MINK1: variants seen among roughly 807,000 people sequenced by gnomAD.
The protein encoded by MINK1 is misshapen like kinase 1.
MINK1 carries 46 observed loss-of-function variants against 178.4 expected under a neutral mutation model. The ratio of observed to expected loss-of-function variants is 0.26; its 90% CI spans 0.20 to 0.33. The LOEUF (loss-of-function observed/expected upper bound fraction) is 0.33, where lower values mean the gene tolerates loss of function less well. MINK1 is among the 10% of genes least tolerant of loss of function. The pLI is 1.00. For synonymous variants in MINK1, 797 were observed against 709.7 expected, an observed-to-expected ratio of 1.12 and a Z score of -1.96; for missense variants, 1,366 against 1,814.9, an observed-to-expected ratio of 0.75 and a Z score of 4.49.
intron 1 of MINK1, among the ~76,000 whole-genome samples, chr17:4,874,506 A>G (rs1270097554): frequency 6.6e-6 from 1 of 152,208 alleles, no homozygotes; most frequent in Non-Finnish European, 1.5e-5. Context: ...CAGAAGGAAG[A>G]CATGGGGGAG....
chr17:4,839,260 C>T (rs959466705), intron 1 of MINK1, among the ~76,000 whole-genome samples: 3 of 152,144 alleles, frequency 2.0e-5, no homozygotes, highest in African/African-American at 7.2e-5. Flanking sequence ...TTTTTCTTAA[C>T]TGTTACTGTT....
At position 4,887,512 on chromosome 17, in the gene MINK1, C is replaced by G; in HGVS notation, c.1020-68C>G. The G allele has an allele frequency of 7.2e-7, 1 of 1,389,240 alleles. No homozygotes were observed. Among genetic ancestry groups the G allele is most frequent in the South Asian group, 1.5e-5 (1 of 65,892 alleles). 86.1% of individuals were successfully genotyped at this position (1,389,240 alleles called of 1,614,324 possible). A position where few individuals can be genotyped will look rare whatever the true frequency, so the allele number is the denominator to read the frequency against. On this transcript the variant is annotated intron_variant, in intron 11 of 31. Transcript: ENST00000355280. This position sits in a 1 kb window ranked among gnomAD's most constrained non-coding sequence, Gnocchi z 7.6. Reference sequence around the variant, plus strand: ...AGTTAAAGCACCCACTCAGGCGGGCCCACGGGGTTGAGAGTGGGAACCAAC... The same window carrying G: ...AGTTAAAGCACCCACTCAGGCGGGCGCACGGGGTTGAGAGTGGGAACCAAC...
intron 1 of MINK1, among the ~76,000 whole-genome samples, chr17:4,869,242 ATTATTATTTATTTATTTAT>A (rs753870291): frequency 3.2e-4 from 46 of 144,668 alleles, no homozygotes; most frequent in Admixed American, 8.3e-4. Context: ...TAATTTTTAA[ATTATTATTTATTTATTTAT>A]TTATTTATTT....
rs1968973444 is a variant in MINK1 at position 4,892,640 on chromosome 17, T to C, written c.2199-16T>C. The stretch of plus-strand genomic sequence containing the variant: ...AGCACCGTGCCTCCCTGACCCTGAC[T>C]CTGCCCCCCCAACAGTAACCCCGAC... On this transcript the variant is annotated splice_polypyrimidine_tract_variant and intron_variant, in intron 18 of 31. Transcript: ENST00000355280. The C allele has an allele frequency of 1.3e-6, 2 of 1,588,110 alleles. No homozygotes were observed. Among genetic ancestry groups the C allele is most frequent in the African/African-American group, 1.3e-5 (1 of 74,440 alleles).
chr17:4,894,742 T>G lies in MINK1; in HGVS notation c.2917+109T>G. Reference sequence around the variant, plus strand: ...TCACAAAGCATAGCCACAGGACCTCTCCCTTGGGCCCTAGCACCTGCCTGG... The same window carrying G: ...TCACAAAGCATAGCCACAGGACCTCGCCCTTGGGCCCTAGCACCTGCCTGG... On this transcript the variant is annotated intron_variant, in intron 24 of 31. Transcript: ENST00000355280. This position sits in a 1 kb window ranked among gnomAD's most constrained non-coding sequence, Gnocchi z 4.1. 2 of 864,592 alleles carry G rather than the reference T, an allele frequency of 2.3e-6. No homozygotes were observed. The highest frequency in any genetic ancestry group is 3.7e-6 in the Non-Finnish European group (2 of 539,996). 53.6% of individuals were successfully genotyped at this position (864,592 alleles called of 1,614,324 possible).
At chr17:4,862,215 G>A (rs867776820) in intron 1 of MINK1, among the ~76,000 whole-genome samples, 9 of 152,134 alleles carry the variant, frequency 5.9e-5, no homozygotes, top group Non-Finnish European at 1.2e-4. Flanking sequence ...GACTCGAGCC[G>A]GCTACATGCA....
chr17:4,870,188 A>G (rs2150941988), intron 1 of MINK1, among the ~76,000 whole-genome samples: 1 of 149,790 alleles, frequency 6.7e-6, no homozygotes, highest in South Asian at 2.1e-4. Context: ...CTGGGATTAC[A>G]GGCATGAGTC....
In MINK1 at chr17:4,894,946, C is replaced by T; in HGVS notation, c.2918-129C>T. The T allele has an allele frequency of 9.6e-7, 1 of 1,039,162 alleles. No individual in the cohort carries two copies. Among genetic ancestry groups the T allele is most frequent in the Non-Finnish European group, 1.4e-6 (1 of 717,074 alleles). The allele number at this position is 1,039,162 out of a possible 1,614,324, so 64.4% of individuals were successfully genotyped here. A position where few individuals can be genotyped will look rare whatever the true frequency, so the allele number is the denominator to read the frequency against. Reference sequence around the variant, plus strand: ...TCTATCCCCCTCTCCCATGCACCTCCTCTCCTCCTGTCTTTCTCCTCCTTT... The same window carrying T: ...TCTATCCCCCTCTCCCATGCACCTCTTCTCCTCCTGTCTTTCTCCTCCTTT... On this transcript the variant is annotated intron_variant, in intron 24 of 31. Transcript: ENST00000355280. This position sits in a 1 kb window ranked among gnomAD's most constrained non-coding sequence, Gnocchi z 4.1.
At chr17:4,862,941 G>T (rs2150895896) in intron 1 of MINK1, among the ~76,000 whole-genome samples, 1 of 151,302 alleles carries the variant, frequency 6.6e-6, no homozygotes, top group African/African-American at 2.4e-5. Context: ...AAGCTGAGGT[G>T]GGAGGACTGC....
intron 13 of MINK1, 59 bp downstream of exon 13, chr17:4,889,822 C>G: frequency 7.7e-7 from 1 of 1,296,488 alleles, no homozygotes; most frequent in Non-Finnish European, 1.0e-6. Flanking sequence ...TGCCTGCCGC[C>G]CCTGCTCCCC....
chr17:4,892,774 T>C lies in MINK1; in HGVS notation c.2311+6T>C, dbSNP rs1264698475. 6.3e-7 allele frequency: 1 copy of C among 1,598,684 alleles called. No homozygotes were observed. The highest frequency in any genetic ancestry group is 1.3e-5 in the African/African-American group (1 of 74,648). ...GGAGCGGAACCGCGTGGGAGGTATGTGAGCCAGGGCTGGGCAGCCTGCTCT... is the reference window on the plus strand; with the variant it reads ...GGAGCGGAACCGCGTGGGAGGTATGCGAGCCAGGGCTGGGCAGCCTGCTCT... On this transcript the variant is annotated splice_donor_region_variant and intron_variant, in intron 19 of 31. Coordinates refer to ENST00000355280, the MANE Select transcript of MINK1 (RefSeq NM_153827.5).
At chr17:4,891,250 C>T in intron 15 of MINK1, 126 bp downstream of exon 15, 1 of 1,165,660 alleles carries the variant, frequency 8.6e-7, no homozygotes, top group Non-Finnish European at 1.2e-6. Flanking sequence ...GCCAGGATTA[C>T]AGAGCACAGG....
At chr17:4,856,212 G>A (rs143683048) in intron 1 of MINK1, among the ~76,000 whole-genome samples, 1 of 152,266 alleles carries the variant, frequency 6.6e-6, no homozygotes, top group Non-Finnish European at 1.5e-5. Context: ...CTGCTTCCTA[G>A]TTGGCTCTGG....
intron 13 of MINK1, chr17:4,889,993 A>T (rs1248565315): frequency 6.5e-6 from 3 of 461,976 alleles, no homozygotes; most frequent in Non-Finnish European, 1.1e-5. Flanking sequence ...TGACTCCCCG[A>T]CCCCTTCCTC....
At chr17:4,855,667 G>A (rs1454445849) in intron 1 of MINK1, among the ~76,000 whole-genome samples, 1 of 150,734 alleles carries the variant, frequency 6.6e-6, no homozygotes, top group Non-Finnish European at 1.5e-5. Context: ...CTACTCGGGA[G>A]GCTGAGGCAG....
chr17:4,844,256 C>T (rs1910673089), intron 1 of MINK1, among the ~76,000 whole-genome samples: 1 of 152,134 alleles, frequency 6.6e-6, no homozygotes, highest in Non-Finnish European at 1.5e-5. Flanking sequence ...CCACCTCGGC[C>T]TCCCAAAGTG....
At chr17:4,840,131 A>G (rs555845772) in intron 1 of MINK1, among the ~76,000 whole-genome samples, 2 of 152,274 alleles carry the variant, frequency 1.3e-5, no homozygotes, top group South Asian at 2.1e-4. Context: ...AAACTTTTAT[A>G]AGACAAAAAT....
At chr17:4,861,210 G>A (rs1914117029) in intron 1 of MINK1, among the ~76,000 whole-genome samples, 1 of 152,220 alleles carries the variant, frequency 6.6e-6, no homozygotes, top group African/African-American at 2.4e-5. Flanking sequence ...TCACCAGGAC[G>A]TGCTGCTTGG....
At chr17:4,859,978 A>G (rs988781743) in intron 1 of MINK1, among the ~76,000 whole-genome samples, 1 of 151,814 alleles carries the variant, frequency 6.6e-6, no homozygotes, top group Admixed American at 6.6e-5. Context: ...TCCGGGAACT[A>G]CTTGCCGCAT....
Sources: allele counts gnomAD v4.1 joint callset (sites outside exome capture counted in the v4.1 genomes callset), GRCh38; gene constraint gnomAD v4.1.1; non-coding constraint Gnocchi (gnomAD v3.1); transcripts MANE v1.5; gene names NCBI Gene and HGNC (gene_info 2026-07-23, HGNC 2026-07-21).